The following ZFR variants were observed in gnomAD, a reference collection of about 807,000 sequenced individuals.
ZFR encodes zinc finger RNA-binding protein.
Under a neutral mutation model 130.7 loss-of-function variants are expected in ZFR, and 19 were observed. The ratio of observed to expected loss-of-function variants is 0.15; its 90% CI spans 0.10 to 0.21. The LOEUF (loss-of-function observed/expected upper bound fraction) is 0.21. ZFR is among the 10% of genes least tolerant of loss of function. The pLI, the probability that ZFR is intolerant of heterozygous loss-of-function variation, is 1.00. For missense variants in ZFR, 872 were observed against 1,321.5 expected (o/e 0.66, Z 5.27); for synonymous variants, 466 against 456.9 (o/e 1.02, Z -0.25).
At chr5:32,394,789 A>C (rs1753263126) in intron 11 of ZFR, among the ~76,000 whole-genome samples, 4 of 152,182 alleles carry the variant, frequency 2.6e-5, no homozygotes, top group Admixed American at 2.6e-4. Flanking sequence ...TAGCCACTAA[A>C]GTTTCTTTAT....
chr5:32,370,421 G>T (rs1003898507), intron 17 of ZFR, among the ~76,000 whole-genome samples: 4 of 151,786 alleles, frequency 2.6e-5, no homozygotes, highest in Admixed American at 2.6e-4. Context: ...CGCCCAGGGT[G>T]AAGTGCAGTG....
At chr5:32,356,710 C>T (rs964928134) in intron 19 of ZFR, among the ~76,000 whole-genome samples, 16 of 152,272 alleles carry the variant, frequency 1.1e-4, no homozygotes, top group East Asian at 1.9e-4. Flanking sequence ...TGAGCCACTG[C>T]GCCCGGCCTC....
chr5:32,444,135 G>A, intron 2 of ZFR, 94 bp downstream of exon 2: 1 of 1,412,644 alleles, frequency 7.1e-7, no homozygotes, highest in Non-Finnish European at 9.5e-7. Context: ...GGGGCTCTGG[G>A]ATGGCTGGGG....
At chr5:32,376,821 T>C (rs1296740243) in intron 17 of ZFR, among the ~76,000 whole-genome samples, 2 of 151,764 alleles carry the variant, frequency 1.3e-5, no homozygotes, top group East Asian at 3.9e-4. Flanking sequence ...CTACCAAAAA[T>C]ACAAATTATT....
Position 32,390,339 on chromosome 5 carries a change from G to C in ZFR, c.2078C>G (p.Pro693Arg), listed in dbSNP as rs1372350336. 1 of 1,614,156 alleles carries C rather than the reference G, an allele frequency of 6.2e-7. No individual in the cohort carries two copies. The highest frequency in any genetic ancestry group is 8.5e-7 in the Non-Finnish European group (1 of 1,180,014). Reference protein sequence around the residue: ...RMPDGGYPHGPPGPLGLLGVR... With the variant: ...RMPDGGYPHGRPGPLGLLGVR... Reference sequence around the variant, plus strand: ...TCCCAGAAGGCCTAATGGGCCTGGAGGACCATGAGGATAACCTCCATCTGG... The same window carrying C: ...TCCCAGAAGGCCTAATGGGCCTGGACGACCATGAGGATAACCTCCATCTGG... Residue 693 changes from proline (P) to arginine (R), a missense_variant, in exon 12 of 20, where the codon CCT (proline) becomes CGT (arginine). Physicochemically the swap from Pro to Arg is moderately radical, Grantham distance 103 (BLOSUM62 -2). Around this residue, in one of 7 missense-constraint regions of ZFR, gnomAD observed 225 missense variants for 282.4 expected, o/e 0.80. Transcript: ENST00000265069.
chr5:32,407,109 C>T (rs1344127892), intron 5 of ZFR, 88 bp from the exon 6 acceptor site: 3 of 1,165,318 alleles, frequency 2.6e-6, no homozygotes, highest in South Asian at 1.8e-5. Flanking sequence ...ATTAATCCTG[C>T]CAATAAAGAT....
chr5:32,397,366 C>G (rs752101579), intron 9 of ZFR, 28 bp from the exon 10 acceptor site: 1 of 1,606,930 alleles, frequency 6.2e-7, no homozygotes, highest in South Asian at 1.1e-5. Flanking sequence ...ATTCAAGAAT[C>G]ATCATAGTTG....
chr5:32,388,778 C>T (rs898327719), intron 12 of ZFR, 104 bp from the exon 13 acceptor site: 283 of 1,050,512 alleles, frequency 2.7e-4, no homozygotes, highest in Non-Finnish European at 1.4e-4. Flanking sequence ...AATAAGAAAG[C>T]CTTTATCTTC....
intron 17 of ZFR, among the ~76,000 whole-genome samples, chr5:32,367,786 CCA>C (rs1213222496): frequency 1.3e-5 from 2 of 152,066 alleles, no homozygotes; most frequent in African/African-American, 4.8e-5. Flanking sequence ...CATCCCATCT[CCA>C]GTTATAATAA....
chr5:32,398,015 G>A (rs1753358374), intron 9 of ZFR, among the ~76,000 whole-genome samples: 4 of 151,462 alleles, frequency 2.6e-5, no homozygotes, highest in Admixed American at 2.0e-4. Flanking sequence ...CCACCACCAC[G>A]CCCAGCTAAT....
rs1159044956 is a variant in ZFR at position 32,365,505 on chromosome 5, TA to T, written c.2836-1231del. Among the ~76,000 whole-genome samples the T allele has an allele frequency of 5.3e-5, 8 of 152,158 alleles. No homozygotes were observed. In the South Asian group the frequency reaches 1.5e-3, roughly 28 times the overall value. ...AATAGTGATAAATGTAAGTCACAAT[TA>T]AAAAAATTAAGACAGCTCAGTTTAT... is the stretch of plus-strand genomic sequence containing the variant. On this transcript the variant is annotated intron_variant, in intron 17 of 19. Transcript: ENST00000265069.
chr5:32,428,414 A>C (rs1754124280), intron 2 of ZFR, among the ~76,000 whole-genome samples: 1 of 152,170 alleles, frequency 6.6e-6, no homozygotes, highest in Non-Finnish European at 1.5e-5. Context: ...TCTGTCTCAA[A>C]AAAAAAGAAA....
At chr5:32,371,248 T>C (rs1212696007) in intron 17 of ZFR, among the ~76,000 whole-genome samples, 2 of 152,158 alleles carry the variant, frequency 1.3e-5, no homozygotes, top group Non-Finnish European at 2.9e-5. Context: ...CATGTGCCTA[T>C]CATCACAGGC....
chr5:32,404,172 A>C (rs1753529228), intron 6 of ZFR, 75 bp from the exon 7 acceptor site: 1 of 1,339,900 alleles, frequency 7.5e-7, no homozygotes, highest in East Asian at 2.3e-5. Context: ...TTCTCAAGAA[A>C]TCTCTAATAC....
intron 2 of ZFR, among the ~76,000 whole-genome samples, chr5:32,442,910 T>C (rs1358958697): frequency 2.0e-5 from 3 of 152,086 alleles, no homozygotes; most frequent in Non-Finnish European, 4.4e-5. Context: ...CGTCATAAAA[T>C]CAAGAGCAAA....
intron 15 of ZFR, among the ~76,000 whole-genome samples, chr5:32,381,339 T>G (rs557632702): frequency 6.6e-6 from 1 of 152,294 alleles, no homozygotes; most frequent in African/African-American, 2.4e-5. Flanking sequence ...TAACAGCAAA[T>G]CTGCTAATCA....
intron 2 of ZFR, among the ~76,000 whole-genome samples, chr5:32,443,899 C>T (rs895812068): frequency 2.0e-5 from 3 of 152,192 alleles, no homozygotes; most frequent in Non-Finnish European, 2.9e-5. Flanking sequence ...GGGGGCCTGC[C>T]GGGCGGCGGT....
At chr5:32,407,410 T>C (rs1753601043) in intron 5 of ZFR, among the ~76,000 whole-genome samples, 1 of 149,658 alleles carries the variant, frequency 6.7e-6, no homozygotes, top group African/African-American at 2.5e-5. Flanking sequence ...GAATCTGAAG[T>C]AGGATACTAG....
chr5:32,414,120 C>T (rs2111805804), intron 5 of ZFR, among the ~76,000 whole-genome samples: 1 of 152,336 alleles, frequency 6.6e-6, no homozygotes, highest in Middle Eastern at 3.4e-3. Flanking sequence ...TTTACATACT[C>T]TGGCACTTCT....
Sources: gnomAD v4.1 joint callset for allele counts (sites outside exome capture counted in the v4.1 genomes callset) on GRCh38, gnomAD v4.1.1 for gene constraint, gnomAD v4.1.1 regional missense constraint, MANE v1.5 for transcripts, NCBI Gene and HGNC (gene_info 2026-07-23, HGNC 2026-07-21) for gene names.